Variants in TBC1D4 observed in about 807,000 individuals in gnomAD.
TBC1D4 encodes TBC (Tre-2, BUB2, CDC16) domain-containing protein.
In TBC1D4, 121 loss-of-function variants were observed where a neutral mutation model predicts 142.5. The ratio of observed to expected loss-of-function variants is 0.85; its 90% CI spans 0.73 to 0.99. The LOEUF (loss-of-function observed/expected upper bound fraction) is 0.99, where lower values mean the gene tolerates loss of function less well. Among genes scored for constraint, TBC1D4 ranks in the 50% least tolerant of loss-of-function variants. TBC1D4 has a pLI of 0.00. For synonymous variants in TBC1D4, 630 were observed against 628.2 expected (o/e 1.00, Z -0.04); for missense variants, 1,475 against 1,606.6 (o/e 0.92, Z 1.40).
chr13:75,318,682 T>G (rs1184846143), intron 12 of TBC1D4, among the ~76,000 whole-genome samples: 1 of 152,186 alleles, frequency 6.6e-6, no homozygotes, highest in African/African-American at 2.4e-5. Context: ...TCTTTACTAA[T>G]TAAGTAAAAT....
At chr13:75,386,186 AACT>A (rs940520632) in intron 1 of TBC1D4, among the ~76,000 whole-genome samples, 1 of 152,200 alleles carries the variant, frequency 6.6e-6, no homozygotes, top group African/African-American at 2.4e-5. Flanking sequence ...TATAAATGCC[AACT>A]ACTGCATTAA....
intron 1 of TBC1D4, among the ~76,000 whole-genome samples, chr13:75,469,933 G>A (rs9543938): frequency 0.097 from 14,800 of 152,202 alleles, 988 homozygotes; most frequent in Non-Finnish European, 0.15. Flanking sequence ...AAATACTGAA[G>A]AAAGTTTGGG....
chr13:75,439,887 T>A (rs1014138068), intron 1 of TBC1D4, among the ~76,000 whole-genome samples: 1 of 151,948 alleles, frequency 6.6e-6, no homozygotes, highest in African/African-American at 2.4e-5. Flanking sequence ...GAAAAGAAAA[T>A]TAACTGGTAT....
chr13:75,326,119 A>G, intron 10 of TBC1D4, 78 bp downstream of exon 10: 1 of 1,516,090 alleles, frequency 6.6e-7, no homozygotes, highest in Non-Finnish European at 9.1e-7. Context: ...ATAAATTCAC[A>G]ATCCACCTTG....
chr13:75,407,610 A>T (rs9530433), intron 1 of TBC1D4, among the ~76,000 whole-genome samples: 4 of 152,058 alleles, frequency 2.6e-5, no homozygotes, highest in Non-Finnish European at 5.9e-5. Context: ...CTGAGGAAGG[A>T]TGCAAAGGGA....
In TBC1D4 at chr13:75,362,044, GTTC is replaced by G. The variant is rs751295327; in HGVS notation, c.1059_1061del (p.Lys353del). The stretch of plus-strand genomic sequence containing the variant: ...GGTGTACCTGGAAGAGCATGGTCCT[GTTC>G]TTCTCCGAGTCCGAGGGCTGGACGT... On this transcript the variant is annotated inframe_deletion, in exon 2 of 21. Coordinates refer to ENST00000377636, the MANE Select transcript of TBC1D4 (RefSeq NM_014832.5). This position sits in a 1 kb window ranked among gnomAD's most constrained non-coding sequence, Gnocchi z 4.2. 46 of 1,614,062 alleles carry G rather than the reference GTTC, an allele frequency of 2.8e-5. No homozygotes were observed. Among genetic ancestry groups the G allele is most frequent in the Admixed American group, 1.5e-4 (9 of 60,010 alleles).
At chr13:75,454,379 T>A (rs1017770717) in intron 1 of TBC1D4, among the ~76,000 whole-genome samples, 4 of 152,196 alleles carry the variant, frequency 2.6e-5, no homozygotes, top group African/African-American at 9.7e-5. Flanking sequence ...TTAAAATACC[T>A]ACTCCTGCTA....
rs117066911 is a variant in TBC1D4 at position 75,340,372 on chromosome 13, G to A, written c.1611+753C>T. 1.1e-3 allele frequency among the ~76,000 whole-genome samples: 173 copies of A among 152,250 alleles called. 3 individuals are homozygous for A. In the East Asian group the frequency reaches 0.026, roughly 23 times the overall value. ...TATATGCAGCAGAGGATAAATTCTA[G>A]ACCACATGCACAAAAATACCATCCC... is the stretch of plus-strand genomic sequence containing the variant. On this transcript the variant is annotated intron_variant, in intron 7 of 20. Coordinates refer to ENST00000377636, the MANE Select transcript of TBC1D4 (RefSeq NM_014832.5).
chr13:75,305,064 C>A (rs969227758), intron 15 of TBC1D4, among the ~76,000 whole-genome samples: 5 of 152,058 alleles, frequency 3.3e-5, no homozygotes, highest in Admixed American at 3.3e-4. Flanking sequence ...GGGGCAGTTT[C>A]CCCCATACTG....
At position 75,359,710 on chromosome 13, in the gene TBC1D4, T is replaced by C. The variant is rs1354563466; in HGVS notation, c.1170+59A>G. On this transcript the variant is annotated intron_variant, in intron 3 of 20. Transcript: ENST00000377636. ...AAGGGGGTCAAGCCCACTTATTTTATTGTTAATTCTGAAACAAGATTGGTC... is the reference window on the plus strand; with the variant it reads ...AAGGGGGTCAAGCCCACTTATTTTACTGTTAATTCTGAAACAAGATTGGTC... The C allele has an allele frequency of 1.0e-5, 14 of 1,334,776 alleles. 1 individual carries two copies. The highest frequency in any genetic ancestry group is 8.7e-5 in the African/African-American group (6 of 69,094). The allele number at this position is 1,334,776 out of a possible 1,614,324, so 82.7% of individuals were successfully genotyped here.
At chr13:75,346,222 G>A (rs1881133196) in intron 5 of TBC1D4, among the ~76,000 whole-genome samples, 1 of 128,310 alleles carries the variant, frequency 7.8e-6, no homozygotes, top group East Asian at 2.9e-4. Context: ...TGTTACACAG[G>A]TATATACGTG....
In TBC1D4 at chr13:75,300,081, G is replaced by A. The variant is rs12585300; in HGVS notation, c.2912-507C>T. Among the ~76,000 whole-genome samples, 772 of 152,178 alleles carry A rather than the reference G, an allele frequency of 5.1e-3. 50 individuals carry two copies. In the East Asian group the frequency reaches 0.12, roughly 24 times the overall value. ...GACACTGGAGGGACTTTTTGGGTTT[G>A]TTTGACTTTACATTCAGACTGTCAT... On this transcript the variant is annotated intron_variant, in intron 16 of 20. Transcript: ENST00000377636.
At chr13:75,369,472 C>G (rs1483731636) in intron 1 of TBC1D4, among the ~76,000 whole-genome samples, 2 of 150,042 alleles carry the variant, frequency 1.3e-5, no homozygotes, top group Non-Finnish European at 3.0e-5. Context: ...ATTATATAGC[C>G]TGGGTGACAG....
At chr13:75,297,261 GATGA>G (rs1256812173) in intron 17 of TBC1D4, among the ~76,000 whole-genome samples, 2 of 152,120 alleles carry the variant, frequency 1.3e-5, no homozygotes, top group African/African-American at 4.8e-5. Context: ...ATGTCAAATT[GATGA>G]ATAATTTTTA....
rs113123477 is a variant in TBC1D4, at chr13:75,288,089, C to T, written c.3663+845G>A. Among the ~76,000 whole-genome samples, 1,217 of 152,188 alleles carry T rather than the reference C, an allele frequency of 8.0e-3. 12 individuals carry two copies. The highest frequency in any genetic ancestry group is 0.026 in the African/African-American group (1,091 of 41,512). On this transcript the variant is annotated intron_variant, in intron 20 of 20. Transcript: ENST00000377636. ...ATTTCTTATTGCATGTATAAGTGTG[C>T]GCTTAGAGACAGATATATAGTATTT...
At chr13:75,305,356 A>C (rs1228308294) in intron 15 of TBC1D4, among the ~76,000 whole-genome samples, 1 of 152,240 alleles carries the variant, frequency 6.6e-6, no homozygotes, top group African/African-American at 2.4e-5. Context: ...GTATCCAATA[A>C]GAAATAGGAA....
chr13:75,345,127 T>C (rs1302730053), intron 5 of TBC1D4, among the ~76,000 whole-genome samples: 1 of 152,204 alleles, frequency 6.6e-6, no homozygotes, highest in African/African-American at 2.4e-5. Flanking sequence ...CAAGTCCAAA[T>C]CCTGGCTCTG....
intron 1 of TBC1D4, among the ~76,000 whole-genome samples, chr13:75,479,950 T>C (rs1453778544): frequency 2.0e-5 from 3 of 151,552 alleles, no homozygotes; most frequent in Admixed American, 2.0e-4. Context: ...GAGAATCACT[T>C]GAACCCGGAA....
At chr13:75,346,899 T>G (rs1436238145) in intron 5 of TBC1D4, among the ~76,000 whole-genome samples, 1 of 152,230 alleles carries the variant, frequency 6.6e-6, no homozygotes, top group Non-Finnish European at 1.5e-5. Flanking sequence ...TAGTTCAAAT[T>G]CATTCCTATT....
Sources: gnomAD v4.1 joint callset for allele counts (sites outside exome capture counted in the v4.1 genomes callset) on GRCh38, gnomAD v4.1.1 for gene constraint, Gnocchi (gnomAD v3.1) non-coding constraint, MANE v1.5 for transcripts, NCBI Gene and HGNC (gene_info 2026-07-23, HGNC 2026-07-21) for gene names.